RAD51B: variants seen among roughly 807,000 people sequenced by gnomAD.
RAD51B encodes the protein DNA repair protein RAD51 homolog 2.
A neutral mutation model predicts 42.2 loss-of-function variants in RAD51B; 38 were observed. The ratio of observed to expected loss-of-function variants is 0.90; its 90% CI spans 0.70 to 1.18. RAD51B has a LOEUF of 1.18. RAD51B is among the 50% of genes most tolerant of loss of function. The pLI is 0.00. For missense variants in RAD51B, 373 were observed against 400.7 expected, an observed-to-expected ratio of 0.93 and a Z score of 0.59; for synonymous variants, 154 against 145.2, an observed-to-expected ratio of 1.06 and a Z score of -0.43.
chr14:68,422,301 G>A (rs955372349), intron 9 of RAD51B: 3 of 582,562 alleles, frequency 5.1e-6, no homozygotes, highest in South Asian at 3.3e-5. Flanking sequence ...GGCAGCTCAC[G>A]CCTGTAATCC....
At chr14:68,036,101 C>A (rs2076116794) in intron 7 of RAD51B, among the ~76,000 whole-genome samples, 1 of 152,232 alleles carries the variant, frequency 6.6e-6, no homozygotes, top group African/African-American at 2.4e-5. Flanking sequence ...TCGCTAAAAT[C>A]TCTCCTGCCT....
Position 68,128,856 on chromosome 14 carries a change from A to G in RAD51B, c.757-163028A>G, listed in dbSNP as rs557730702. Reference sequence around the variant, plus strand: ...AGCTCTCTATTTTAAAAGAGTTAACATGTAGTTTTTCATTGAAATTAATTT... The same window carrying G: ...AGCTCTCTATTTTAAAAGAGTTAACGTGTAGTTTTTCATTGAAATTAATTT... On this transcript the variant is annotated intron_variant, in intron 7 of 10. Transcript: ENST00000471583. Among the ~76,000 whole-genome samples, 125 of 152,354 alleles carry G rather than the reference A, an allele frequency of 8.2e-4. 1 individual carries two copies. The highest frequency in any genetic ancestry group is 3.4e-3 in the Middle Eastern group (1 of 294).
intron 8 of RAD51B, among the ~76,000 whole-genome samples, chr14:68,408,493 C>A (rs1343011783): frequency 6.6e-6 from 1 of 152,168 alleles, no homozygotes; most frequent in Non-Finnish European, 1.5e-5. Context: ...AAACCATCCA[C>A]CTTGTCAAAT....
chr14:68,228,867 C>CAGCTTTTGCAGGTCTCAG (rs1480601668), intron 7 of RAD51B, among the ~76,000 whole-genome samples: 2 of 152,206 alleles, frequency 1.3e-5, no homozygotes, highest in African/African-American at 4.8e-5. Context: ...TGCTAAGGTT[C>CAGCTTTTGCAGGTCTCAG]CTTCCAGGTC....
In RAD51B at chr14:68,098,685, G is replaced by C. The variant is rs150001000; in HGVS notation, c.757-193199G>C. Among the ~76,000 whole-genome samples the C allele has an allele frequency of 4.1e-3, 625 of 152,300 alleles. 1 individual carries two copies. Among genetic ancestry groups the C allele is most frequent in the Middle Eastern group, 0.017 (5 of 294 alleles). ...AATGGATTCAGATTATCTCCCACCA[G>C]GTCCCTCCCACAACACATGGGAATT... On this transcript the variant is annotated intron_variant, in intron 7 of 10. Coordinates refer to ENST00000471583, the MANE Select transcript of RAD51B (RefSeq NM_133510.4).
intron 7 of RAD51B, among the ~76,000 whole-genome samples, chr14:68,039,992 A>G (rs1338382125): frequency 6.6e-6 from 1 of 152,220 alleles, no homozygotes; most frequent in African/African-American, 2.4e-5. Flanking sequence ...TTATCTACCC[A>G]CTGTTGGGAG....
intron 7 of RAD51B, among the ~76,000 whole-genome samples, chr14:68,022,414 G>C (rs2075882235): frequency 6.6e-6 from 1 of 152,070 alleles, no homozygotes; most frequent in Non-Finnish European, 1.5e-5. Flanking sequence ...GTGTCTTTTT[G>C]GTAGAATGAT....
chr14:68,343,966 G>A (rs1488078622), intron 8 of RAD51B, among the ~76,000 whole-genome samples: 2 of 152,246 alleles, frequency 1.3e-5, no homozygotes, highest in Non-Finnish European at 2.9e-5. Context: ...AGGAAACTTC[G>A]CAGATTCCCC....
At chr14:68,489,682 A>G (rs963666726) in intron 10 of RAD51B, among the ~76,000 whole-genome samples, 1 of 152,248 alleles carries the variant, frequency 6.6e-6, no homozygotes, top group African/African-American at 2.4e-5. Flanking sequence ...GATGAGGCAC[A>G]GCCTTTCCCA....
intron 4 of RAD51B, among the ~76,000 whole-genome samples, chr14:67,855,091 G>C (rs562067280): frequency 6.6e-6 from 1 of 152,120 alleles, no homozygotes; most frequent in Non-Finnish European, 1.5e-5. Flanking sequence ...GTAGAGATGG[G>C]GTTTCACCAT....
At chr14:67,851,284 C>T (rs139351999) in intron 4 of RAD51B, among the ~76,000 whole-genome samples, 21 of 152,160 alleles carry the variant, frequency 1.4e-4, no homozygotes, top group African/African-American at 4.6e-4. Context: ...GTTGGGGAGC[C>T]TCAGGTCCTG....
intron 10 of RAD51B, among the ~76,000 whole-genome samples, chr14:68,483,829 G>A (rs1016880295): frequency 2.6e-5 from 4 of 152,196 alleles, no homozygotes. Flanking sequence ...AAGAGATGAA[G>A]GAGGTCTCAT....
chr14:68,622,935 T>A (rs1000082240), intron 10 of RAD51B, among the ~76,000 whole-genome samples: 1 of 152,070 alleles, frequency 6.6e-6, no homozygotes, highest in Non-Finnish European at 1.5e-5. Context: ...TGTAAATTAA[T>A]TCATCAAAGT....
In RAD51B at chr14:68,151,575, C is replaced by T. The variant is rs139343275; in HGVS notation, c.757-140309C>T. On this transcript the variant is annotated intron_variant, in intron 7 of 10. Transcript: ENST00000471583. ...CTAACTGAAATTGTCCCACAGCTCA[C>T]TAATGTCCCACAGCTCCATTCATTT... Among the ~76,000 whole-genome samples the T allele has an allele frequency of 8.8e-4, 134 of 152,100 alleles. 1 individual carries two copies. Among genetic ancestry groups the T allele is most frequent in the Middle Eastern group, 3.4e-3 (1 of 294 alleles).
intron 11 of RAD51B, among the ~76,000 whole-genome samples, chr14:68,673,687 G>A (rs532771499): frequency 1.4e-3 from 204 of 142,332 alleles, no homozygotes; most frequent in African/African-American, 5.2e-3. Flanking sequence ...ATATGTATAT[G>A]TGCACACACA....
At chr14:68,071,326 G>A (rs1399614435) in intron 7 of RAD51B, among the ~76,000 whole-genome samples, 1 of 152,144 alleles carries the variant, frequency 6.6e-6, no homozygotes, top group African/African-American at 2.4e-5. Flanking sequence ...GTGAGAGTGA[G>A]CATCCTTGTC....
intron 10 of RAD51B, among the ~76,000 whole-genome samples, chr14:68,603,729 A>T (rs1410880211): frequency 6.6e-6 from 1 of 152,216 alleles, no homozygotes; most frequent in African/African-American, 2.4e-5. Context: ...GTTAATGATT[A>T]CTGCTGTTGT....
intron 5 of RAD51B, among the ~76,000 whole-genome samples, chr14:67,879,508 T>C (rs2042838540): frequency 1.3e-5 from 2 of 151,976 alleles, no homozygotes; most frequent in Non-Finnish European, 2.9e-5. Context: ...AGTGACATGA[T>C]CATAGTTCAC....
chr14:68,652,851 C>T (rs1180976101), intron 11 of RAD51B, among the ~76,000 whole-genome samples: 1 of 152,216 alleles, frequency 6.6e-6, no homozygotes, highest in African/African-American at 2.4e-5. Context: ...GCCTTGAGTC[C>T]TCTGTCCTGC....
Sources: gnomAD v4.1 joint callset for allele counts (sites outside exome capture counted in the v4.1 genomes callset) on GRCh38, gnomAD v4.1.1 for gene constraint, MANE v1.5 for transcripts, NCBI Gene and HGNC (gene_info 2026-07-23, HGNC 2026-07-21) for gene names.